The following AGPAT4 variants were observed in gnomAD, a reference collection of about 807,000 sequenced individuals.
AGPAT4 encodes the protein 1-acylglycerol-3-phosphate O-acyltransferase 4.
A neutral mutation model predicts 48.0 loss-of-function variants in AGPAT4; 15 were observed. The ratio of observed to expected loss-of-function variants is 0.31; its 90% CI spans 0.21 to 0.48. The LOEUF (loss-of-function observed/expected upper bound fraction) is 0.48, where lower values mean the gene tolerates loss of function less well. AGPAT4 is among the 20% of genes least tolerant of loss of function. The probability of loss-of-function intolerance (pLI) is 0.99; values close to 1 mark genes in which losing one functional copy is unlikely to be tolerated. For missense variants in AGPAT4, 314 were observed against 482.5 expected (o/e 0.65, Z 3.27); for synonymous variants, 178 against 198.7 (o/e 0.90, Z 0.88).
rs891905391 is a variant in AGPAT4, at chr6:161,137,749, C to T, written c.1043-1115G>A. On this transcript the variant is annotated intron_variant, in intron 8 of 8. Transcript: ENST00000320285. This position sits in a 1 kb window ranked among gnomAD's most constrained non-coding sequence, Gnocchi z 6.1. ...TCAGATGCTCCTGGAGACGCCGTGT[C>T]CACACTGCACCCCTCAGATGCTCCT... 6.6e-6 allele frequency among the ~76,000 whole-genome samples: 1 copy of T among 151,890 alleles called. No individual in the cohort carries two copies. The highest frequency in any genetic ancestry group is 1.5e-5 in the Non-Finnish European group (1 of 67,924).
In AGPAT4 at chr6:161,234,820, C is replaced by A. The variant is rs1002659723; in HGVS notation, c.-89-2518G>T. The stretch of plus-strand genomic sequence containing the variant: ...CATCGGAAATGCAGGGGGTTAAATG[C>A]TGCCTTCTTCAGTGTCCAGTTCAAT... On this transcript the variant is annotated intron_variant, in intron 1 of 8. Transcript: ENST00000320285. The surrounding 1 kb of genome is among the most constrained non-coding windows in gnomAD (Gnocchi z 4.4). 7.2e-5 allele frequency among the ~76,000 whole-genome samples: 11 copies of A among 152,020 alleles called. No homozygotes were observed. Among genetic ancestry groups the A allele is most frequent in the African/African-American group, 2.4e-4 (10 of 41,364 alleles).
Position 161,272,897 on chromosome 6 carries a change from C to G in AGPAT4, c.-90+1041G>C, listed in dbSNP as rs1047907869. ...TCCATCTAAGAACAATGCACGAAAA[C>G]GAAAAACGGAGAATCCTGCCCGGCA... On this transcript the variant is annotated intron_variant, in intron 1 of 8. Coordinates refer to ENST00000320285, the MANE Select transcript of AGPAT4 (RefSeq NM_020133.3). This position sits in a 1 kb window ranked among gnomAD's most constrained non-coding sequence, Gnocchi z 4.2. Among the ~76,000 whole-genome samples the G allele has an allele frequency of 6.6e-6, 1 of 152,078 alleles. No individual in the cohort carries two copies. The highest frequency in any genetic ancestry group is 1.5e-5 in the Non-Finnish European group (1 of 68,006).
Position 161,255,427 on chromosome 6 carries a change from C to T in AGPAT4, c.-90+18511G>A, listed in dbSNP as rs1782919612. ...ACACAAAATCTTGTACACCCACGTT[C>T]ACGGCAGCGTTGCTCTCGATAGCCA... is the stretch of plus-strand genomic sequence containing the variant. On this transcript the variant is annotated intron_variant, in intron 1 of 8. Coordinates refer to ENST00000320285, the MANE Select transcript of AGPAT4 (RefSeq NM_020133.3). This position sits in a 1 kb window ranked among gnomAD's most constrained non-coding sequence, Gnocchi z 4.7. Among the ~76,000 whole-genome samples the T allele has an allele frequency of 6.6e-6, 1 of 152,200 alleles. No homozygotes were observed. Among genetic ancestry groups the T allele is most frequent in the African/African-American group, 2.4e-5 (1 of 41,458 alleles).
chr6:161,237,928 G>A (rs1422260653), intron 1 of AGPAT4, among the ~76,000 whole-genome samples: 3 of 152,072 alleles, frequency 2.0e-5, no homozygotes, highest in South Asian at 2.1e-4. Flanking sequence ...CTTGAGGAGG[G>A]ACCACAGGGT....
In AGPAT4 at chr6:161,225,343, G is replaced by A. The variant is rs1781948079; in HGVS notation, c.178+6693C>T. Among the ~76,000 whole-genome samples, 1 of 152,196 alleles carries A rather than the reference G, an allele frequency of 6.6e-6. No individual in the cohort carries two copies. The highest frequency in any genetic ancestry group is 6.5e-5 in the Admixed American group (1 of 15,284). On this transcript the variant is annotated intron_variant, in intron 2 of 8. Coordinates refer to ENST00000320285, the MANE Select transcript of AGPAT4 (RefSeq NM_020133.3). This position sits in a 1 kb window ranked among gnomAD's most constrained non-coding sequence, Gnocchi z 5.0. ...GGAAGGACACAGCAGCAGGGGCCAT[G>A]GGCTTCAGGGATAAGAACCCCTTCC...
chr6:161,273,147 T>G (rs1321850), intron 1 of AGPAT4, among the ~76,000 whole-genome samples: 54,422 of 152,090 alleles, frequency 0.36, 11,701 homozygotes, highest in African/African-American at 0.59. Flanking sequence ...GATCAATATC[T>G]TATCTTAAGA....
At chr6:161,237,594 T>A (rs1310266302) in intron 1 of AGPAT4, among the ~76,000 whole-genome samples, 2 of 152,190 alleles carry the variant, frequency 1.3e-5, no homozygotes, top group Admixed American at 1.3e-4. Context: ...TGGGAAAAGT[T>A]CACAAAGAAG....
chr6:161,159,176 A>C lies in AGPAT4; in HGVS notation c.349-4866T>G, dbSNP rs933559473. On this transcript the variant is annotated intron_variant, in intron 3 of 8. Transcript: ENST00000320285. This position sits in a 1 kb window ranked among gnomAD's most constrained non-coding sequence, Gnocchi z 4.1. The stretch of plus-strand genomic sequence containing the variant: ...CAGTTCCCTGGAGCCAAGACAAGCC[A>C]TCCAGCCCTATCACTCCAGGGTCCC... Among the ~76,000 whole-genome samples the C allele has an allele frequency of 6.6e-6, 1 of 152,158 alleles. No homozygotes were observed. Among genetic ancestry groups the C allele is most frequent in the African/African-American group, 2.4e-5 (1 of 41,440 alleles).
At position 161,208,298 on chromosome 6, in the gene AGPAT4, T is replaced by A. The variant is rs1476912751; in HGVS notation, c.178+23738A>T. Among the ~76,000 whole-genome samples, 1 of 152,220 alleles carries A rather than the reference T, an allele frequency of 6.6e-6. No individual in the cohort carries two copies. The highest frequency in any genetic ancestry group is 1.5e-5 in the Non-Finnish European group (1 of 68,038). Reference sequence around the variant, plus strand: ...AGAGACTCTCTCCAGATGCGCCCTCTGTGGAACTTCCCTAACAATGTGCTC... The same window carrying A: ...AGAGACTCTCTCCAGATGCGCCCTCAGTGGAACTTCCCTAACAATGTGCTC... On this transcript the variant is annotated intron_variant, in intron 2 of 8. Transcript: ENST00000320285. The surrounding 1 kb of genome is among the most constrained non-coding windows in gnomAD (Gnocchi z 4.6).
intron 1 of AGPAT4, among the ~76,000 whole-genome samples, chr6:161,258,745 A>G (rs1783010340): frequency 6.6e-6 from 1 of 152,116 alleles, no homozygotes; most frequent in Non-Finnish European, 1.5e-5. Context: ...TTGAAAGTTT[A>G]ATCACATGGC....
Position 161,134,374 on chromosome 6 carries a change from T to G in AGPAT4, c.*2166A>C, listed in dbSNP as rs1778995850. 1 of 152,214 alleles carries G rather than the reference T, an allele frequency of 6.6e-6. No homozygotes were observed. The highest frequency in any genetic ancestry group is 2.1e-4 in the South Asian group (1 of 4,830). The allele number at this position is 152,214 out of a possible 1,614,324, so 9.4% of individuals were successfully genotyped here. ...TTTTAGAACTTACTTAGATTACTTC[T>G]GTGTTGAATGGAAGAATGAAAATGA... On this transcript the variant is annotated 3_prime_UTR_variant, in exon 9 of 9. Coordinates refer to ENST00000320285, the MANE Select transcript of AGPAT4 (RefSeq NM_020133.3).
At chr6:161,205,937 A>G (rs1490082020) in intron 2 of AGPAT4, among the ~76,000 whole-genome samples, 1 of 152,140 alleles carries the variant, frequency 6.6e-6, no homozygotes, top group Non-Finnish European at 1.5e-5. Flanking sequence ...TGGACACTAC[A>G]TATAAAATAA....
In AGPAT4 at chr6:161,189,398, G is replaced by T. The variant is rs2114999818; in HGVS notation, c.179-22981C>A. On this transcript the variant is annotated intron_variant, in intron 2 of 8. Transcript: ENST00000320285. The surrounding 1 kb of genome is among the most constrained non-coding windows in gnomAD (Gnocchi z 5.3). ...AACAGGATGGAGGAGCAGGGAAGAG[G>T]AGGAAGGCATTGAGGAATCGGGGTG... is the stretch of plus-strand genomic sequence containing the variant. Among the ~76,000 whole-genome samples, 1 of 152,318 alleles carries T rather than the reference G, an allele frequency of 6.6e-6. No individual in the cohort carries two copies. The highest frequency in any genetic ancestry group is 2.1e-4 in the South Asian group (1 of 4,824).
At position 161,148,545 on chromosome 6, in the gene AGPAT4, GAGA is replaced by G. The variant is rs1779501657; in HGVS notation, c.767+639_767+641del. ...TTCAGATTCTCTTGATTAGCATTCA[GAGA>G]AGATGATCCACAGCACAACAAACCA... On this transcript the variant is annotated intron_variant, in intron 6 of 8. Coordinates refer to ENST00000320285, the MANE Select transcript of AGPAT4 (RefSeq NM_020133.3). The surrounding 1 kb of genome is among the most constrained non-coding windows in gnomAD (Gnocchi z 5.5). Among the ~76,000 whole-genome samples the G allele has an allele frequency of 6.6e-6, 1 of 152,126 alleles. No homozygotes were observed. Among genetic ancestry groups the G allele is most frequent in the African/African-American group, 2.4e-5 (1 of 41,420 alleles).
At position 161,185,283 on chromosome 6, in the gene AGPAT4, CTTTTTTT is replaced by C. The variant is rs35820706; in HGVS notation, c.179-18873_179-18867del. On this transcript the variant is annotated intron_variant, in intron 2 of 8. Transcript: ENST00000320285. ...CATTCTGATTATGTTTTTAAGATGT[CTTTTTTT>C]TTTTTTTTTTTTTTTCCAAAGACAG... 6.6e-3 allele frequency among the ~76,000 whole-genome samples: 720 copies of C among 109,276 alleles called. 13 individuals carry two copies. Among genetic ancestry groups the C allele is most frequent in the African/African-American group, 0.023 (650 of 27,774 alleles). The allele number at this position is 109,276 out of a possible 152,430, so 71.7% of individuals were successfully genotyped here. A position where few individuals can be genotyped will look rare whatever the true frequency, so the allele number is the denominator to read the frequency against.
In AGPAT4 at chr6:161,149,305, C is replaced by G. The variant is rs758519495; in HGVS notation, c.665-16G>C. The G allele has an allele frequency of 1.2e-6, 2 of 1,602,454 alleles. No individual in the cohort carries two copies. The highest frequency in any genetic ancestry group is 1.7e-6 in the Non-Finnish European group (2 of 1,177,682). On this transcript the variant is annotated splice_polypyrimidine_tract_variant and intron_variant, in intron 5 of 8. Transcript: ENST00000320285. The surrounding 1 kb of genome is among the most constrained non-coding windows in gnomAD (Gnocchi z 6.5). ...ACAGCTGAAACTATAAAAAATAAAA[C>G]AAATACAAAGCAGTATATAGCGTGT...
intron 1 of AGPAT4, among the ~76,000 whole-genome samples, chr6:161,248,725 C>T (rs929910885): frequency 6.6e-6 from 1 of 152,052 alleles, no homozygotes; most frequent in Non-Finnish European, 1.5e-5. Flanking sequence ...GAATCAATAT[C>T]GTTAAAGTGT....
Position 161,135,641 on chromosome 6 carries a change from G to A in AGPAT4, c.*899C>T, listed in dbSNP as rs76477931. On this transcript the variant is annotated 3_prime_UTR_variant, in exon 9 of 9. Transcript: ENST00000320285. ...ATAAAGTGAAACTGCATTTTATCAG[G>A]GGTGACTTTGGCTGTCACTGCTGAG... The A allele has an allele frequency of 6.6e-6, 1 of 152,182 alleles. No individual in the cohort carries two copies. The highest frequency in any genetic ancestry group is 2.4e-5 in the African/African-American group (1 of 41,402). 9.4% of individuals were successfully genotyped at this position (152,182 alleles called of 1,614,324 possible). A position where few individuals can be genotyped will look rare whatever the true frequency, so the allele number is the denominator to read the frequency against.
chr6:161,153,205 CTG>C, intron 5 of AGPAT4, 139 bp downstream of exon 5: 1 of 1,208,820 alleles, frequency 8.3e-7, no homozygotes, highest in Non-Finnish European at 1.1e-6. Context: ...GTCACAGAGA[CTG>C]GACTTGAGCA....
Sources: gnomAD v4.1 joint callset for allele counts (sites outside exome capture counted in the v4.1 genomes callset) on GRCh38, gnomAD v4.1.1 for gene constraint, Gnocchi (gnomAD v3.1) non-coding constraint, MANE v1.5 for transcripts, NCBI Gene and HGNC (gene_info 2026-07-23, HGNC 2026-07-21) for gene names.